Variants in DPH6 observed in about 807,000 individuals in gnomAD.
The protein encoded by DPH6 is diphthamine biosynthesis 6.
DPH6 carries 33 observed loss-of-function variants against 38.2 expected under a neutral mutation model. The ratio of observed to expected loss-of-function variants is 0.86; its 90% CI spans 0.65 to 1.15. The LOEUF is 1.15. Among genes scored for constraint, DPH6 ranks in the 50% most tolerant of loss-of-function variants. The pLI is 0.00. For synonymous variants in DPH6, 108 were observed against 103.0 expected (o/e 1.05, Z -0.30); for missense variants, 325 against 320.0 (o/e 1.02, Z -0.12).
chr15:35,479,999 A>G (rs944320438), intron 3 of DPH6, among the ~76,000 whole-genome samples: 1 of 152,108 alleles, frequency 6.6e-6, no homozygotes, highest in African/African-American at 2.4e-5. Flanking sequence ...ACAATTTACT[A>G]TATTTTCAAG....
chr15:35,290,176 T>G (rs1431618839), intron 3 of DPH6, among the ~76,000 whole-genome samples: 1 of 152,236 alleles, frequency 6.6e-6, no homozygotes, highest in Non-Finnish European at 1.5e-5. Flanking sequence ...ATAATTGGTT[T>G]AATGTTTTAG....
At chr15:35,326,141 G>C (rs2052280564), downstream of DPH6, among the ~76,000 whole-genome samples, 1 of 152,128 alleles carries the variant, frequency 6.6e-6, no homozygotes, top group African/African-American at 2.4e-5. Context: ...AGTGTTTTCT[G>C]AACTTGAACA....
chr15:35,276,649 T>C (rs965360676), intron 3 of DPH6, among the ~76,000 whole-genome samples: 1 of 152,234 alleles, frequency 6.6e-6, no homozygotes, highest in South Asian at 2.1e-4. Context: ...TTATTCTACA[T>C]GTGGCTAGTC....
At chr15:35,436,478 C>CAAACA (rs1247449769) in intron 5 of DPH6, among the ~76,000 whole-genome samples, 4,515 of 60,944 alleles carry the variant, frequency 0.074, 544 homozygotes, top group African/African-American at 0.23. Flanking sequence ...ACAAAACAAA[C>CAAACA]AAAAACAAAA....
chr15:35,208,566 A>C, the DPH6 span, among the ~76,000 whole-genome samples: 1 of 152,212 alleles, frequency 6.6e-6, no homozygotes, highest in Non-Finnish European at 1.5e-5. Flanking sequence ...AGGCAGCATG[A>C]CCTCATCTTC....
chr15:35,227,171 CTTCT>C (rs2051487513), intron 3 of DPH6, among the ~76,000 whole-genome samples: 2 of 115,862 alleles, frequency 1.7e-5, no homozygotes, highest in African/African-American at 6.5e-5. Context: ...GTTATAACAT[CTTCT>C]TTTTTTTTTT....
chr15:35,277,722 T>C (rs1248850259), intron 3 of DPH6, among the ~76,000 whole-genome samples: 1 of 152,148 alleles, frequency 6.6e-6, no homozygotes, highest in Admixed American at 6.5e-5. Flanking sequence ...AATAAGTTAC[T>C]GGGAACGCGA....
At chr15:35,355,972 T>C (rs1054409937) in intron 3 of DPH6, among the ~76,000 whole-genome samples, 16 of 152,246 alleles carry the variant, frequency 1.1e-4, no homozygotes, top group African/African-American at 3.6e-4. Flanking sequence ...TCTTGGAGGC[T>C]TTGTTCATTT....
At chr15:35,330,486 A>G (rs1377141472), downstream of DPH6, among the ~76,000 whole-genome samples, 1 of 152,202 alleles carries the variant, frequency 6.6e-6, no homozygotes, top group African/African-American at 2.4e-5. Context: ...TCTCCTTTGC[A>G]TTAAGTACAT....
At chr15:35,528,787 A>G (rs1302401725) in intron 3 of DPH6, among the ~76,000 whole-genome samples, 2 of 152,212 alleles carry the variant, frequency 1.3e-5, no homozygotes, top group East Asian at 1.9e-4. Flanking sequence ...TACAATGCAT[A>G]TTGATATTAT....
intron 3 of DPH6, among the ~76,000 whole-genome samples, chr15:35,259,252 A>G (rs962948275): frequency 1.4e-4 from 21 of 152,102 alleles, no homozygotes; most frequent in Non-Finnish European, 2.6e-4. Flanking sequence ...GGCAAGCATA[A>G]GCCAATACTC....
chr15:35,248,827 A>G (rs2051653347), intron 3 of DPH6, among the ~76,000 whole-genome samples: 1 of 152,216 alleles, frequency 6.6e-6, no homozygotes, highest in African/African-American at 2.4e-5. Context: ...AATAAATAAT[A>G]TATGCCAATG....
intron 3 of DPH6, among the ~76,000 whole-genome samples, chr15:35,225,676 T>C (rs907147173): frequency 1.3e-5 from 2 of 152,202 alleles, no homozygotes; most frequent in African/African-American, 4.8e-5. Flanking sequence ...CCAGATTTTT[T>C]CTATTAAGCT....
At chr15:35,234,618 C>T (rs1050854628) in intron 3 of DPH6, among the ~76,000 whole-genome samples, 2 of 152,196 alleles carry the variant, frequency 1.3e-5, no homozygotes, top group African/African-American at 4.8e-5. Flanking sequence ...ATATTGACTC[C>T]ACTCATAGAC....
chr15:35,366,102 G>C (rs1018997468), downstream of DPH6: 1 of 857,496 alleles, frequency 1.2e-6, no homozygotes, highest in Non-Finnish European at 1.4e-6. Flanking sequence ...AGGTTGTATA[G>C]AGGCAGTGGC....
intron 3 of DPH6, among the ~76,000 whole-genome samples, chr15:35,309,906 A>C (rs1827955074): frequency 6.6e-6 from 1 of 152,218 alleles, no homozygotes; most frequent in South Asian, 2.1e-4. Flanking sequence ...GAATATCTAT[A>C]ATCAGTGGGA....
chr15:35,186,050 TA>T, the DPH6 span, among the ~76,000 whole-genome samples: 7 of 152,260 alleles, frequency 4.6e-5, no homozygotes, highest in South Asian at 1.5e-3. Context: ...CCACTCATTT[TA>T]TACAAAGGAA....
intron 3 of DPH6, among the ~76,000 whole-genome samples, chr15:35,279,187 A>C (rs531517851): frequency 3.4e-4 from 52 of 151,488 alleles, no homozygotes; most frequent in African/African-American, 1.2e-3. Context: ...TTGGAATGGG[A>C]ATGTCTACCC....
chr15:35,404,257 T>C (rs1471708707), intron 6 of DPH6, among the ~76,000 whole-genome samples: 4 of 152,198 alleles, frequency 2.6e-5, no homozygotes, highest in African/African-American at 9.6e-5. Context: ...GTGAGATTGC[T>C]GGATCATATA....
Sources: allele counts gnomAD v4.1 joint callset (sites outside exome capture counted in the v4.1 genomes callset), GRCh38; gene constraint gnomAD v4.1.1; transcripts MANE v1.5; gene names NCBI Gene and HGNC (gene_info 2026-07-23, HGNC 2026-07-21).